The following MFSD8 variants were observed in gnomAD, a reference collection of about 807,000 sequenced individuals.
The protein encoded by MFSD8 is major facilitator superfamily domain-containing protein 8.
Under a neutral mutation model 66.4 loss-of-function variants are expected in MFSD8, and 55 were observed. That is an observed-to-expected ratio of 0.83 (90% CI 0.67 to 1.04). The LOEUF (loss-of-function observed/expected upper bound fraction) is 1.04. Among genes scored for constraint, MFSD8 ranks in the 50% least tolerant of loss-of-function variants. The pLI, the probability that MFSD8 is intolerant of heterozygous loss-of-function variation, is 0.00. For missense variants in MFSD8, 550 were observed against 627.6 expected, an observed-to-expected ratio of 0.88 and a Z score of 1.32; for synonymous variants, 202 against 212.8, an observed-to-expected ratio of 0.95 and a Z score of 0.44.
At chr4:127,927,233 C>G (rs899567515) in intron 9 of MFSD8, among the ~76,000 whole-genome samples, 1 of 151,568 alleles carries the variant, frequency 6.6e-6, no homozygotes, top group Non-Finnish European at 1.5e-5. Flanking sequence ...GTCATCCAGG[C>G]TGGAATGCAA....
At chr4:127,957,468 G>T (rs758424180) in intron 2 of MFSD8, 33 bp downstream of exon 2, 2 of 1,402,408 alleles carry the variant, frequency 1.4e-6, no homozygotes, top group Non-Finnish European at 2.0e-6. Context: ...CATCTGATCT[G>T]AATTGTTAAA....
At chr4:127,925,887 C>T (rs1490020915) in intron 9 of MFSD8, among the ~76,000 whole-genome samples, 2 of 152,150 alleles carry the variant, frequency 1.3e-5, no homozygotes, top group Non-Finnish European at 2.9e-5. Context: ...AGCACATATA[C>T]ACCATGGAAA....
intron 2 of MFSD8, among the ~76,000 whole-genome samples, chr4:127,955,539 CAAAA>C (rs34570244): frequency 5.8e-5 from 6 of 102,608 alleles, no homozygotes; most frequent in Admixed American, 2.1e-4. Flanking sequence ...GACTTTGTCT[CAAAA>C]AAAAAAAAAA....
chr4:127,924,344 A>T (rs1389539672), intron 9 of MFSD8, among the ~76,000 whole-genome samples: 1 of 152,076 alleles, frequency 6.6e-6, no homozygotes, highest in Non-Finnish European at 1.5e-5. Context: ...TTTCTGTGGG[A>T]CCAGTGGTGC....
chr4:127,938,978 A>G (rs1739619262), intron 6 of MFSD8, 140 bp from the exon 7 acceptor site: 1 of 574,744 alleles, frequency 1.7e-6, no homozygotes, highest in Non-Finnish European at 3.1e-6. Context: ...ACTGTTACCA[A>G]TGAGATATAA....
intron 7 of MFSD8, among the ~76,000 whole-genome samples, chr4:127,937,515 T>C (rs1739280690): frequency 6.6e-6 from 1 of 152,226 alleles, no homozygotes; most frequent in African/African-American, 2.4e-5. Flanking sequence ...TTAATACTTT[T>C]ACACTGTCTT....
chr4:127,932,530 C>T (rs898930089), intron 8 of MFSD8: 1 of 152,106 alleles, frequency 6.6e-6, no homozygotes. Flanking sequence ...AATAAAACAG[C>T]CATATGATAA....
intron 3 of MFSD8, among the ~76,000 whole-genome samples, chr4:127,946,958 T>C (rs927858636): frequency 4.6e-5 from 7 of 151,168 alleles, no homozygotes; most frequent in Non-Finnish European, 7.4e-5. Flanking sequence ...ATCCTAACAA[T>C]CTAGACAATC....
Position 127,919,649 on chromosome 4 carries a change from A to G in MFSD8, c.*981T>C, listed in dbSNP as rs1369641588. Reference sequence around the variant, plus strand: ...AGGGATCATCCAAATTAAAAATCCAACTAAAATTCTGCAGCTCTACACAAC... The same window carrying G: ...AGGGATCATCCAAATTAAAAATCCAGCTAAAATTCTGCAGCTCTACACAAC... On this transcript the variant is annotated 3_prime_UTR_variant, in exon 12 of 12. Transcript: ENST00000641686. 1.3e-5 allele frequency: 2 copies of G among 151,998 alleles called. No individual in the cohort carries two copies. The highest frequency in any genetic ancestry group is 3.9e-4 in the East Asian group (2 of 5,174). The allele number at this position is 151,998 out of a possible 1,614,324, so 9.4% of individuals were successfully genotyped here. A position where few individuals can be genotyped will look rare whatever the true frequency, so the allele number is the denominator to read the frequency against.
rs1390022868 is a variant in MFSD8, at chr4:127,938,596, TAA to T, written c.754+185_754+186del. 2.0e-3 allele frequency among the ~76,000 whole-genome samples: 217 copies of T among 105,960 alleles called. 7 individuals are homozygous for T. Among genetic ancestry groups the T allele is most frequent in the African/African-American group, 8.4e-3 (194 of 23,010 alleles). 69.5% of individuals were successfully genotyped at this position (105,960 alleles called of 152,430 possible). A position where few individuals can be genotyped will look rare whatever the true frequency, so the allele number is the denominator to read the frequency against. The stretch of plus-strand genomic sequence containing the variant: ...AAACTCTGTCTCAAAAAAAAAAAAA[TAA>T]ATAAATAAATAAATAAATAAATAAA... On this transcript the variant is annotated intron_variant, in intron 7 of 11. Transcript: ENST00000641686.
intron 9 of MFSD8, among the ~76,000 whole-genome samples, chr4:127,930,032 C>G: frequency 6.6e-6 from 1 of 152,004 alleles, no homozygotes; most frequent in East Asian, 1.9e-4. Flanking sequence ...TGCGTGAGCC[C>G]AGGAATGAGA....
At chr4:127,956,920 GTTAT>G (rs1241400992) in intron 2 of MFSD8, among the ~76,000 whole-genome samples, 1 of 151,140 alleles carries the variant, frequency 6.6e-6, no homozygotes, top group Non-Finnish European at 1.5e-5. Flanking sequence ...ATTCCTTAAT[GTTAT>G]TTGTTTCTTT....
Position 127,960,761 on chromosome 4 carries a change from A to G in MFSD8, c.63-3169T>C, listed in dbSNP as rs79965376. ...AACGTGAGCTACAAACGGTTTTTAC[A>G]GATGAATATTTATCAGTTTGATGAC... On this transcript the variant is annotated intron_variant, in intron 1 of 11. Coordinates refer to ENST00000641686, the MANE Select transcript of MFSD8 (RefSeq NM_001371596.2). Among the ~76,000 whole-genome samples the G allele has an allele frequency of 3.0e-3, 458 of 152,344 alleles. 4 individuals carry two copies. Among genetic ancestry groups the G allele is most frequent in the African/African-American group, 0.011 (442 of 41,590 alleles).
chr4:127,963,444 G>A (rs185582439), intron 1 of MFSD8, among the ~76,000 whole-genome samples: 18 of 152,310 alleles, frequency 1.2e-4, no homozygotes, highest in African/African-American at 3.6e-4. Flanking sequence ...GGACCCTCGC[G>A]GTGAGTGTTA....
chr4:127,932,633 G>T (rs1335755968), intron 8 of MFSD8: 2 of 157,644 alleles, frequency 1.3e-5, no homozygotes, highest in Non-Finnish European at 2.8e-5. Flanking sequence ...TTACCAGATT[G>T]AATCATATAT....
At chr4:127,964,146 A>C (rs1037824659) in intron 1 of MFSD8, among the ~76,000 whole-genome samples, 3 of 152,316 alleles carry the variant, frequency 2.0e-5, no homozygotes. Flanking sequence ...CCACGTCTCC[A>C]CCAGACTCAG....
In MFSD8 at chr4:127,933,066, T is replaced by G. The variant is rs961210243; in HGVS notation, c.782A>C (p.Gln261Pro). The change falls in exon 8 of 12, where the codon CAA (glutamine) becomes CCA (proline). Residue 261 changes from glutamine to proline, a missense_variant. Transcript: ENST00000641686. ...EASTDEAQVP[Q>P]GNIDQVAVVA... ...AACAGCAACCTGGTCAATATTTCCT[T>G]GGGGAACCTGAGCTTCATCTGTACT... 6.2e-7 allele frequency: 1 copy of G among 1,613,792 alleles called. No homozygotes were observed. Among genetic ancestry groups the G allele is most frequent in the Non-Finnish European group, 8.5e-7 (1 of 1,179,828 alleles).
At chr4:127,923,832 A>G (rs557546104) in intron 9 of MFSD8, among the ~76,000 whole-genome samples, 1 of 152,006 alleles carries the variant, frequency 6.6e-6, no homozygotes, top group South Asian at 2.1e-4. Flanking sequence ...CACCCACTTC[A>G]GCCTCCCAAA....
rs112739351 is a variant in MFSD8, at chr4:127,949,663, C to T, written c.198+141G>A. On this transcript the variant is annotated intron_variant, in intron 3 of 11. Coordinates refer to ENST00000641686, the MANE Select transcript of MFSD8 (RefSeq NM_001371596.2). Reference sequence around the variant, plus strand: ...GCATATGGTCACATTACTTATAAGCCTCTTTTAAGGAACTATTATCTCATT... The same window carrying T: ...GCATATGGTCACATTACTTATAAGCTTCTTTTAAGGAACTATTATCTCATT... 108 of 706,890 alleles carry T rather than the reference C, an allele frequency of 1.5e-4. No individual in the cohort carries two copies. The African/African-American group carries it at 1.7e-3, about 11-fold the overall frequency. 43.8% of individuals were successfully genotyped at this position (706,890 alleles called of 1,614,324 possible).
Sources: gnomAD v4.1 joint callset for allele counts (sites outside exome capture counted in the v4.1 genomes callset) on GRCh38, gnomAD v4.1.1 for gene constraint, MANE v1.5 for transcripts, NCBI Gene and HGNC (gene_info 2026-07-23, HGNC 2026-07-21) for gene names.